The following SORCS3 variants were observed in gnomAD, a reference collection of about 807,000 sequenced individuals.
The protein encoded by SORCS3 is VPS10 domain-containing receptor SorCS3.
SORCS3 carries 57 observed loss-of-function variants against 146.3 expected under a neutral mutation model. That is an observed-to-expected ratio of 0.39 (90% confidence interval 0.31 to 0.49). SORCS3 has a LOEUF of 0.49. Among genes scored for constraint, SORCS3 ranks in the 20% least tolerant of loss-of-function variants. SORCS3 has a pLI of 0.92. For missense variants in SORCS3, 1,341 were observed against 1,575.5 expected, an observed-to-expected ratio of 0.85 and a Z score of 2.52; for synonymous variants, 653 against 618.5, an observed-to-expected ratio of 1.06 and a Z score of -0.83.
chr10:105,161,681 C>T (rs2056264464), intron 11 of SORCS3, among the ~76,000 whole-genome samples: 1 of 152,202 alleles, frequency 6.6e-6, no homozygotes, highest in Admixed American at 6.5e-5. Context: ...GACCTCACAT[C>T]CTTGCAGTGC....
At chr10:104,794,654 AG>A (rs1404977460) in intron 1 of SORCS3, among the ~76,000 whole-genome samples, 15 of 150,290 alleles carry the variant, frequency 1.0e-4, no homozygotes, top group South Asian at 2.1e-4. Flanking sequence ...AGAGAGAGAG[AG>A]AGAGAATATT....
intron 4 of SORCS3, among the ~76,000 whole-genome samples, chr10:105,001,216 G>C (rs2055058709): frequency 6.6e-6 from 1 of 152,184 alleles, no homozygotes; most frequent in African/African-American, 2.4e-5. Flanking sequence ...TAGCCAGTAA[G>C]TGACAGAGGA....
At chr10:104,824,438 TA>T (rs768990125) in intron 1 of SORCS3, among the ~76,000 whole-genome samples, 1 of 152,214 alleles carries the variant, frequency 6.6e-6, no homozygotes, top group Non-Finnish European at 1.5e-5. Context: ...CTCTCATCCC[TA>T]CATCCCCTTA....
At chr10:105,175,960 G>A (rs2119552289) in intron 13 of SORCS3, among the ~76,000 whole-genome samples, 1 of 150,948 alleles carries the variant, frequency 6.6e-6, no homozygotes, top group Non-Finnish European at 1.5e-5. Context: ...GGATAAAATA[G>A]AATAAAATAG....
intron 10 of SORCS3, 152 bp downstream of exon 10, chr10:105,157,436 C>T (rs1234031266): frequency 1.6e-5 from 13 of 823,212 alleles, no homozygotes; most frequent in Admixed American, 1.1e-4. Flanking sequence ...TGTGTGGACT[C>T]AGAGTGCAGC....
intron 7 of SORCS3, among the ~76,000 whole-genome samples, chr10:105,112,314 G>T (rs755719602): frequency 6.6e-6 from 1 of 151,982 alleles, no homozygotes; most frequent in Non-Finnish European, 1.5e-5. Flanking sequence ...ATCTTTTTTG[G>T]GGTGGGGGGT....
intron 4 of SORCS3, among the ~76,000 whole-genome samples, chr10:104,990,154 C>A (rs1367177699): frequency 6.6e-6 from 1 of 152,188 alleles, no homozygotes; most frequent in Non-Finnish European, 1.5e-5. Flanking sequence ...TTAGGGGCAG[C>A]CTTAGCCAAA....
chr10:104,818,414 T>C (rs11192195), intron 1 of SORCS3, among the ~76,000 whole-genome samples: 2 of 150,104 alleles, frequency 1.3e-5, no homozygotes, highest in Admixed American at 6.6e-5. Flanking sequence ...CTTTCTCTCT[T>C]TTTTTTTTGG....
intron 4 of SORCS3, among the ~76,000 whole-genome samples, chr10:104,989,037 G>T (rs1206186394): frequency 6.6e-6 from 1 of 152,212 alleles, no homozygotes; most frequent in African/African-American, 2.4e-5. Context: ...ACTGAATGAA[G>T]TGTGGAACAC....
At chr10:105,161,101 A>AT (rs60463067) in intron 11 of SORCS3, among the ~76,000 whole-genome samples, 1 of 152,080 alleles carries the variant, frequency 6.6e-6, no homozygotes, top group Non-Finnish European at 1.5e-5. Context: ...TTATTTTTGA[A>AT]TTTTTTTGTC....
intron 1 of SORCS3, among the ~76,000 whole-genome samples, chr10:104,789,507 C>T (rs1432964243): frequency 2.0e-5 from 3 of 152,218 alleles, no homozygotes; most frequent in African/African-American, 7.2e-5. Flanking sequence ...TAACACATCT[C>T]TCCCTGGGCT....
At chr10:105,142,591 C>T (rs974016745) in intron 8 of SORCS3, among the ~76,000 whole-genome samples, 1 of 152,200 alleles carries the variant, frequency 6.6e-6, no homozygotes, top group Non-Finnish European at 1.5e-5. Flanking sequence ...CAATGAGGAA[C>T]AGCCCCCCTT....
intron 1 of SORCS3, among the ~76,000 whole-genome samples, chr10:104,760,638 A>G (rs2017109517): frequency 6.6e-6 from 1 of 152,220 alleles, no homozygotes; most frequent in South Asian, 2.1e-4. Context: ...TAGCAAATTT[A>G]GAGCAAGAAG....
intron 20 of SORCS3, among the ~76,000 whole-genome samples, chr10:105,223,564 A>G (rs78663457): frequency 1.3e-5 from 2 of 152,338 alleles, no homozygotes; most frequent in East Asian, 3.9e-4. Flanking sequence ...TGGCCTGGTT[A>G]TATAATGTCA....
chr10:104,886,555 CATCT>C (rs55977539), intron 2 of SORCS3, among the ~76,000 whole-genome samples: 34,355 of 126,526 alleles, frequency 0.27, 4,390 homozygotes, highest in Admixed American at 0.33. Flanking sequence ...ATAACTCTAT[CATCT>C]ATCTATCTAT....
intron 1 of SORCS3, among the ~76,000 whole-genome samples, chr10:104,775,798 G>T (rs147924033): frequency 0.013 from 1,971 of 152,266 alleles, 31 homozygotes; most frequent in African/African-American, 0.038. Context: ...AGAAGAAACA[G>T]CCCTTGAAAG....
intron 4 of SORCS3, among the ~76,000 whole-genome samples, chr10:105,022,188 A>G (rs1277279225): frequency 6.6e-6 from 1 of 152,144 alleles, no homozygotes; most frequent in African/African-American, 2.4e-5. Flanking sequence ...AATGCAAACT[A>G]TAGACTTTTA....
rs150526638 is a variant in SORCS3, at chr10:104,686,739, C to T, written c.627+44785C>T. ...TCTCACTGCACATGATGGAAAAGAT[C>T]CAGGATCCTGGGAGGAGCCCTGTGT... On this transcript the variant is annotated intron_variant, in intron 1 of 26. Transcript: ENST00000369701. Among the ~76,000 whole-genome samples the T allele has an allele frequency of 6.5e-3, 993 of 152,240 alleles. 12 individuals carry two copies. Among genetic ancestry groups the T allele is most frequent in the African/African-American group, 0.022 (934 of 41,518 alleles).
At chr10:104,754,854 A>G (rs2017029714) in intron 1 of SORCS3, among the ~76,000 whole-genome samples, 1 of 152,230 alleles carries the variant, frequency 6.6e-6, no homozygotes, top group African/African-American at 2.4e-5. Flanking sequence ...TCCAGTCATT[A>G]GAGGATGGCA....
Sources: allele counts gnomAD v4.1 joint callset (sites outside exome capture counted in the v4.1 genomes callset), GRCh38; gene constraint gnomAD v4.1.1; transcripts MANE v1.5; gene names NCBI Gene and HGNC (gene_info 2026-07-23, HGNC 2026-07-21).